PCDHGA5: variants seen among roughly 807,000 people sequenced by gnomAD.
The protein encoded by PCDHGA5 is protocadherin gamma-A5.
A neutral mutation model predicts 56.7 loss-of-function variants in PCDHGA5; 36 were observed. That is an observed-to-expected ratio of 0.64 (90% CI 0.49 to 0.84). The LOEUF (loss-of-function observed/expected upper bound fraction) is 0.84, where lower values mean the gene tolerates loss of function less well. PCDHGA5 is among the 40% of genes least tolerant of loss of function. The probability of loss-of-function intolerance (pLI) is 0.00; values close to 1 mark genes in which losing one functional copy is unlikely to be tolerated. For synonymous variants in PCDHGA5, 563 were observed against 520.2 expected (o/e 1.08, Z -1.12); for missense variants, 1,305 against 1,201.5 (o/e 1.09, Z -1.27).
chr5:141,382,779 C>G (rs1561592016), intron 1 of PCDHGA5: 3 of 834,176 alleles, frequency 3.6e-6, no homozygotes, highest in Non-Finnish European at 5.6e-6. Flanking sequence ...GCACTAAACT[C>G]AAGCCTCTAT....
intron 1 of PCDHGA5, chr5:141,415,478 G>C: frequency 6.2e-7 from 1 of 1,614,082 alleles, no homozygotes; most frequent in Non-Finnish European, 8.5e-7. Flanking sequence ...GCGGACTCGC[G>C]AAAGAGTCAC....
chr5:141,384,321 G>A (rs6883770), intron 1 of PCDHGA5: 89,474 of 1,613,740 alleles, frequency 0.055, 2,962 homozygotes, highest in African/African-American at 0.14. Flanking sequence ...TTTTCTTAGT[G>A]ACTGCACAGG....
chr5:141,408,918 C>T, intron 1 of PCDHGA5: 1 of 1,613,408 alleles, frequency 6.2e-7, no homozygotes. Flanking sequence ...AATGATAACC[C>T]CCCGGTTTTC....
chr5:141,485,070 G>A lies in PCDHGA5; in HGVS notation c.2422-9737G>A. On this transcript the variant is annotated intron_variant, in intron 1 of 3. Coordinates refer to ENST00000518069, the MANE Select transcript of PCDHGA5 (RefSeq NM_018918.3). The surrounding 1 kb of genome is among the most constrained non-coding windows in gnomAD (Gnocchi z 5.7). ...CGCCGGCCGAACCGCGCCAGAGCTG[G>A]CGCGGGGAAAGGGAGATAGGTGTCT... is the stretch of plus-strand genomic sequence containing the variant. The A allele has an allele frequency of 1.1e-6, 1 of 908,406 alleles. No individual in the cohort carries two copies. Among genetic ancestry groups the A allele is most frequent in the Non-Finnish European group, 1.7e-6 (1 of 580,008 alleles). 56.3% of individuals were successfully genotyped at this position (908,406 alleles called of 1,614,324 possible). A position where few individuals can be genotyped will look rare whatever the true frequency, so the allele number is the denominator to read the frequency against.
chr5:141,403,324 T>C (rs769971532), intron 1 of PCDHGA5: 9 of 1,613,974 alleles, frequency 5.6e-6, no homozygotes, highest in Non-Finnish European at 6.8e-6. Context: ...TAGAAGTAAC[T>C]GATATTAACG....
chr5:141,483,013 A>C (rs2154579792), intron 1 of PCDHGA5, among the ~76,000 whole-genome samples: 1 of 152,106 alleles, frequency 6.6e-6, no homozygotes, highest in Middle Eastern at 3.4e-3. Flanking sequence ...TGAACCCGGG[A>C]GGCAGAGGTT....
chr5:141,477,263 G>A lies in PCDHGA5; in HGVS notation c.2422-17544G>A, dbSNP rs543767777. 1.4e-5 allele frequency: 23 copies of A among 1,614,192 alleles called. No individual in the cohort carries two copies. The highest frequency in any genetic ancestry group is 1.8e-5 in the Non-Finnish European group (21 of 1,180,046). On this transcript the variant is annotated intron_variant, in intron 1 of 3. Transcript: ENST00000518069. The surrounding 1 kb of genome is among the most constrained non-coding windows in gnomAD (Gnocchi z 4.9). The stretch of plus-strand genomic sequence containing the variant: ...CAGTGTGACTGACCTGGATGCTGGC[G>A]AGAACGGGCTGGTGACCTGCGAAGT...
At chr5:141,408,818 A>G in intron 1 of PCDHGA5, 1 of 1,613,578 alleles carries the variant, frequency 6.2e-7, no homozygotes, top group South Asian at 1.1e-5. Flanking sequence ...GGAAGAACAG[A>G]GATCTCATAG....
intron 1 of PCDHGA5, chr5:141,388,994 T>C: frequency 6.2e-7 from 1 of 1,614,042 alleles, no homozygotes; most frequent in Non-Finnish European, 8.5e-7. Flanking sequence ...TCAAAGTCCG[T>C]GACAAGGATT....
In PCDHGA5 at chr5:141,375,764, G is replaced by A. The variant is rs746447899; in HGVS notation, c.2421+9013G>A. 1.7e-5 allele frequency: 27 copies of A among 1,614,116 alleles called. No individual in the cohort carries two copies. The highest frequency in any genetic ancestry group is 2.0e-5 in the Non-Finnish European group (24 of 1,180,044). ...GCTGGACCAGAATGACAATGCGCCCGAGATCCTGTACCCCGCCCTCCCCAC... is the reference window on the plus strand; with the variant it reads ...GCTGGACCAGAATGACAATGCGCCCAAGATCCTGTACCCCGCCCTCCCCAC... On this transcript the variant is annotated intron_variant, in intron 1 of 3. Transcript: ENST00000518069.
At chr5:141,430,947 G>T (rs1169662602) in intron 1 of PCDHGA5, 1 of 1,610,002 alleles carries the variant, frequency 6.2e-7, no homozygotes, top group Non-Finnish European at 8.5e-7. Flanking sequence ...GCGGAGCGCG[G>T]AGTCCGCATC....
rs369354938 is a variant in PCDHGA5, at chr5:141,404,125, T to C, written c.2421+37374T>C. 7.5e-4 allele frequency: 1,204 copies of C among 1,613,214 alleles called. 1 individual carries two copies. The highest frequency in any genetic ancestry group is 8.4e-4 in the Non-Finnish European group (986 of 1,179,494). On this transcript the variant is annotated intron_variant, in intron 1 of 3. Coordinates refer to ENST00000518069, the MANE Select transcript of PCDHGA5 (RefSeq NM_018918.3). Reference sequence around the variant, plus strand: ...TCTGTTCTATCCAGGAGAATCTATCTTTTACATTAGAAAATTCAGAAGAAG... The same window carrying C: ...TCTGTTCTATCCAGGAGAATCTATCCTTTACATTAGAAAATTCAGAAGAAG...
chr5:141,374,581 C>G, intron 1 of PCDHGA5: 14 of 1,613,660 alleles, frequency 8.7e-6, no homozygotes, highest in Non-Finnish European at 1.0e-5. Flanking sequence ...GAATGAACTC[C>G]CTTCAGGGAT....
intron 1 of PCDHGA5, chr5:141,372,230 C>A (rs781407090): frequency 6.2e-7 from 1 of 1,613,346 alleles, no homozygotes; most frequent in Non-Finnish European, 8.5e-7. Context: ...TGCAGGCCAG[C>A]GAGCCCGGGC....
chr5:141,432,569 C>T lies in PCDHGA5; in HGVS notation c.2422-62238C>T. The T allele has an allele frequency of 6.2e-7, 1 of 1,613,920 alleles. No homozygotes were observed. On this transcript the variant is annotated intron_variant, in intron 1 of 3. Coordinates refer to ENST00000518069, the MANE Select transcript of PCDHGA5 (RefSeq NM_018918.3). This position sits in a 1 kb window ranked among gnomAD's most constrained non-coding sequence, Gnocchi z 6.0. ...CAGAGACTCCGGCCAGAACGCCTGG[C>T]TGTCCTACCGTCTGCTCAAGGCCAG...
chr5:141,413,388 C>T (rs765673305), intron 1 of PCDHGA5: 39 of 1,614,012 alleles, frequency 2.4e-5, no homozygotes, highest in Non-Finnish European at 3.2e-5. Context: ...TCCGCATAGT[C>T]TCCAGAGGTA....
chr5:141,490,990 C>A lies in PCDHGA5; in HGVS notation c.2422-3817C>A, dbSNP rs1230384508. On this transcript the variant is annotated intron_variant, in intron 1 of 3. Transcript: ENST00000518069. The surrounding 1 kb of genome is among the most constrained non-coding windows in gnomAD (Gnocchi z 5.4). ...CCCCCAGCGTCTCCCTCGCTCTGCTCCTCCTGGCTCCTTGGTCACCAAGGT... is the reference window on the plus strand; with the variant it reads ...CCCCCAGCGTCTCCCTCGCTCTGCTACTCCTGGCTCCTTGGTCACCAAGGT... The A allele has an allele frequency of 6.2e-7, 1 of 1,614,102 alleles. No homozygotes were observed. The highest frequency in any genetic ancestry group is 8.5e-7 in the Non-Finnish European group (1 of 1,180,022).
Position 141,415,396 on chromosome 5 carries a change from G to A in PCDHGA5, c.2421+48645G>A, listed in dbSNP as rs11575962. 4,865 of 1,614,204 alleles carry A rather than the reference G, an allele frequency of 3.0e-3. 27 individuals are homozygous for A. The highest frequency in any genetic ancestry group is 0.011 in the Admixed American group (656 of 60,024). ...AGGAGGCGGCTTGACAGGTGTGTCC[G>A]GCTCGCACTTTGTGGGCGTGGACGG... On this transcript the variant is annotated intron_variant, in intron 1 of 3. Coordinates refer to ENST00000518069, the MANE Select transcript of PCDHGA5 (RefSeq NM_018918.3).
At position 141,371,726 on chromosome 5, in the gene PCDHGA5, T is replaced by A. The variant is rs769173416; in HGVS notation, c.2421+4975T>A. The A allele has an allele frequency of 9.9e-6, 16 of 1,613,932 alleles. 2 individuals carry two copies. In the South Asian group the frequency reaches 1.3e-4, roughly 13 times the overall value. The stretch of plus-strand genomic sequence containing the variant: ...AGACCATCACTCTGCACATCCTTGA[T>A]GTCAACGACAACGTTCCCGTTTTCC... On this transcript the variant is annotated intron_variant, in intron 1 of 3. Coordinates refer to ENST00000518069, the MANE Select transcript of PCDHGA5 (RefSeq NM_018918.3).
Sources: gnomAD v4.1 joint callset for allele counts (sites outside exome capture counted in the v4.1 genomes callset) on GRCh38, gnomAD v4.1.1 for gene constraint, Gnocchi (gnomAD v3.1) non-coding constraint, MANE v1.5 for transcripts, NCBI Gene and HGNC (gene_info 2026-07-23, HGNC 2026-07-21) for gene names.